The following TRMT11 variants were observed in gnomAD, a reference collection of about 807,000 sequenced individuals.
TRMT11 encodes the protein tRNA methyltransferase 11.
A neutral mutation model predicts 62.8 loss-of-function variants in TRMT11; 53 were observed. That is an observed-to-expected ratio of 0.84 (90% CI 0.68 to 1.06). TRMT11 has a LOEUF of 1.06. Ranked by LOEUF, TRMT11 falls within the 50% of genes least tolerant of loss-of-function variation. The pLI is 0.00. For missense variants in TRMT11, 556 were observed against 553.4 expected, an observed-to-expected ratio of 1.00 and a Z score of -0.05; for synonymous variants, 188 against 190.3, an observed-to-expected ratio of 0.99 and a Z score of 0.10.
chr6:126,156,834 A>G (rs947717905), intron 21 of TRMT11, among the ~76,000 whole-genome samples: 10 of 152,182 alleles, frequency 6.6e-5, no homozygotes, highest in African/African-American at 1.2e-4. Flanking sequence ...CCAGGATCCA[A>G]TCTCCTCCCA....
chr6:126,162,139 C>T (rs1010847243), intron 21 of TRMT11, among the ~76,000 whole-genome samples: 1 of 152,120 alleles, frequency 6.6e-6, no homozygotes, highest in South Asian at 2.1e-4. Context: ...TTTGCCCATG[C>T]CTATGTCCTG....
At chr6:126,199,713 G>C (rs190674888) in intron 2 of TRMT11, 1 of 152,388 alleles carries the variant, frequency 6.6e-6, no homozygotes, top group African/African-American at 2.4e-5. Context: ...GTGGCAGAGG[G>C]ACATGCTAAT....
At chr6:126,020,516 C>T (rs1453873438) in intron 11 of TRMT11, among the ~76,000 whole-genome samples, 2 of 152,200 alleles carry the variant, frequency 1.3e-5, no homozygotes, top group Non-Finnish European at 2.9e-5. Context: ...TGTACAGTAG[C>T]AGTCTCCACC....
intron 21 of TRMT11, among the ~76,000 whole-genome samples, chr6:126,152,931 C>A (rs1049906754): frequency 2.6e-5 from 4 of 152,160 alleles, no homozygotes; most frequent in Non-Finnish European, 4.4e-5. Context: ...CACTGGTTTT[C>A]AGAGACCCGG....
At chr6:126,261,457 A>G in the TRMT11 span, among the ~76,000 whole-genome samples, 1 of 151,940 alleles carries the variant, frequency 6.6e-6, no homozygotes, top group South Asian at 2.1e-4. Context: ...CTAAGGATTT[A>G]CTGTGTTTAT....
intron 17 of TRMT11, among the ~76,000 whole-genome samples, chr6:126,088,078 A>G (rs1777234552): frequency 6.6e-6 from 1 of 151,980 alleles, no homozygotes; most frequent in East Asian, 1.9e-4. Flanking sequence ...TATTAGCACA[A>G]TGTGCAATAT....
At chr6:126,109,682 T>G (rs1452667753) in intron 17 of TRMT11, among the ~76,000 whole-genome samples, 1 of 152,182 alleles carries the variant, frequency 6.6e-6, no homozygotes, top group African/African-American at 2.4e-5. Flanking sequence ...AAAGCTAACT[T>G]CCTGATCTGT....
At chr6:126,023,175 C>T (rs1211916567) in intron 12 of TRMT11, among the ~76,000 whole-genome samples, 1 of 151,786 alleles carries the variant, frequency 6.6e-6, no homozygotes, top group Non-Finnish European at 1.5e-5. Context: ...AACCATTAAA[C>T]ATTAAAAACA....
At chr6:126,130,967 C>T (rs925983271) in intron 21 of TRMT11, among the ~76,000 whole-genome samples, 10 of 152,060 alleles carry the variant, frequency 6.6e-5, no homozygotes. Flanking sequence ...ATCTATTAGC[C>T]TTCAGGAGAA....
intron 17 of TRMT11, among the ~76,000 whole-genome samples, chr6:126,103,077 T>G (rs1472546262): frequency 2.0e-5 from 3 of 152,242 alleles, no homozygotes; most frequent in African/African-American, 7.2e-5. Flanking sequence ...CTATTTATCC[T>G]GCAAGAACTG....
Position 126,038,906 on chromosome 6 carries a change from A to C in TRMT11, c.*70A>C, listed in dbSNP as rs1775718198. ...AAAAGACATCTGGATGTGAACTTTC[A>C]TGTATGATCCAGAAAATAGGTACGG... On this transcript the variant is annotated 3_prime_UTR_variant, in exon 13 of 13. Transcript: ENST00000334379. 7.6e-7 allele frequency: 1 copy of C among 1,316,064 alleles called. No homozygotes were observed. Among genetic ancestry groups the C allele is most frequent in the African/African-American group, 1.5e-5 (1 of 66,336 alleles). The allele number at this position is 1,316,064 out of a possible 1,614,324, so 81.5% of individuals were successfully genotyped here.
intron 12 of TRMT11, among the ~76,000 whole-genome samples, chr6:126,038,458 A>G (rs1055215130): frequency 6.1e-5 from 9 of 148,096 alleles, no homozygotes; most frequent in African/African-American, 1.7e-4. Context: ...AAAAAAGAAA[A>G]AAAGAAATTT....
At chr6:125,993,623 A>G in intron 1 of TRMT11, 134 bp from the exon 2 acceptor site, 1 of 457,804 alleles carries the variant, frequency 2.2e-6, no homozygotes, top group Non-Finnish European at 3.9e-6. Context: ...TAATTGTCTG[A>G]TGTTGAAGCT....
intron 17 of TRMT11, among the ~76,000 whole-genome samples, chr6:126,081,037 A>T (rs1440799169): frequency 6.6e-6 from 1 of 152,162 alleles, no homozygotes; most frequent in Non-Finnish European, 1.5e-5. Flanking sequence ...ACTGCCAAAG[A>T]CTTGAAATGT....
chr6:126,256,450 G>A, the TRMT11 span, among the ~76,000 whole-genome samples: 2 of 152,112 alleles, frequency 1.3e-5, no homozygotes, highest in Non-Finnish European at 2.9e-5. Context: ...ATCAGCTTGA[G>A]GACTAGGTTC....
intron 17 of TRMT11, among the ~76,000 whole-genome samples, chr6:126,095,789 C>A (rs1376897410): frequency 6.6e-6 from 1 of 152,122 alleles, no homozygotes; most frequent in Non-Finnish European, 1.5e-5. Flanking sequence ...GTAATCAGAA[C>A]ATTTTTTACC....
At chr6:126,220,606 T>C in the TRMT11 span, among the ~76,000 whole-genome samples, 1 of 152,230 alleles carries the variant, frequency 6.6e-6, no homozygotes, top group African/African-American at 2.4e-5. Flanking sequence ...GAAGCTGATA[T>C]GCCAGCAGTC....
intron 21 of TRMT11, among the ~76,000 whole-genome samples, chr6:126,117,621 A>C (rs988486424): frequency 1.3e-5 from 2 of 152,030 alleles, no homozygotes; most frequent in Non-Finnish European, 2.9e-5. Flanking sequence ...TGAACCTTTC[A>C]TTCTGACCAT....
chr6:126,088,763 A>G (rs555319214), intron 17 of TRMT11, among the ~76,000 whole-genome samples: 2 of 152,338 alleles, frequency 1.3e-5, no homozygotes, highest in African/African-American at 4.8e-5. Flanking sequence ...AAATGGGAGA[A>G]CCAAAGTCCA....
Sources: gnomAD v4.1 joint callset for allele counts (sites outside exome capture counted in the v4.1 genomes callset) on GRCh38, gnomAD v4.1.1 for gene constraint, MANE v1.5 for transcripts, NCBI Gene and HGNC (gene_info 2026-07-23, HGNC 2026-07-21) for gene names.